The following FLT4 variants were observed in gnomAD, a reference collection of about 807,000 sequenced individuals.
FLT4 encodes the protein fms related receptor tyrosine kinase 4, also known as vascular endothelial growth factor receptor 3.
Under a neutral mutation model 163.2 loss-of-function variants are expected in FLT4, and 30 were observed. The observed-to-expected ratio is 0.18, with a 90% CI of 0.14 to 0.25. The LOEUF (loss-of-function observed/expected upper bound fraction) is 0.25. Among genes scored for constraint, FLT4 ranks in the 10% least tolerant of loss-of-function variants. The pLI, the probability that FLT4 is intolerant of heterozygous loss-of-function variation, is 1.00. For missense variants in FLT4, 1,510 were observed against 1,863.8 expected (o/e 0.81, Z 3.50); for synonymous variants, 884 against 789.5 (o/e 1.12, Z -2.01).
Position 180,624,040 on chromosome 5 carries a change from G to T in FLT4, c.1443C>A (p.Asp481Glu), listed in dbSNP as rs767595130. The change falls in exon 11 of 30, where the codon GAC (aspartate) becomes GAA (glutamate). Residue 481 changes from aspartate to glutamate, a missense_variant. By Grantham distance (45) the Asp-to-Glu change is conservative (BLOSUM62 2). Transcript: ENST00000261937. The stretch of plus-strand genomic sequence containing the variant: ...TCCAGTCACGGCACTGTGGCATGAG[G>T]TCTTGCTGCTGCCGCCGCCGGCTGC... ...QRSLRRRQQQDLMPQCRDWRA... is the reference protein window; with the variant it reads ...QRSLRRRQQQELMPQCRDWRA... The T allele has an allele frequency of 1.2e-6, 2 of 1,613,062 alleles. No individual in the cohort carries two copies. The highest frequency in any genetic ancestry group is 1.1e-5 in the South Asian group (1 of 91,090).
At chr5:180,631,317 C>G (rs914770860) in intron 2 of FLT4, among the ~76,000 whole-genome samples, 2 of 151,870 alleles carry the variant, frequency 1.3e-5, no homozygotes, top group Admixed American at 6.6e-5. Context: ...ACTACAAATA[C>G]AAAAAATTAG....
rs1331340709 is a variant in FLT4 at position 180,630,138 on chromosome 5, T to G, written c.514-33A>C. On this transcript the variant is annotated intron_variant, in intron 4 of 29. Transcript: ENST00000261937. This position sits in a 1 kb window ranked among gnomAD's most constrained non-coding sequence, Gnocchi z 6.3. ...GACAAGGCCACCATCATTGCCCAGCTGCCCCTTGCTCCTGGCCAGACAGGC... is the reference window on the plus strand; with the variant it reads ...GACAAGGCCACCATCATTGCCCAGCGGCCCCTTGCTCCTGGCCAGACAGGC... 7 of 1,372,544 alleles carry G rather than the reference T, an allele frequency of 5.1e-6. No homozygotes were observed. The highest frequency in any genetic ancestry group is 6.8e-6 in the Non-Finnish European group (7 of 1,029,288). The allele number at this position is 1,372,544 out of a possible 1,614,324, so 85.0% of individuals were successfully genotyped here.
rs376156787 is a variant in FLT4, at chr5:180,621,014, G to T, written c.2168-7C>A. 5 of 1,611,432 alleles carry T rather than the reference G, an allele frequency of 3.1e-6. 1 individual carries two copies. The highest frequency in any genetic ancestry group is 1.3e-5 in the African/African-American group (1 of 75,046). On this transcript the variant is annotated splice_polypyrimidine_tract_variant and splice_region_variant and intron_variant, in intron 14 of 29. Coordinates refer to ENST00000261937, the MANE Select transcript of FLT4 (RefSeq NM_182925.5). ...GAGTCCGCCAAGTCGACTCCTGCAG[G>T]GGGTGGGGTGGAGGTGCGGGTCCAC...
At chr5:180,642,509 G>T (rs1020363684) in intron 1 of FLT4, among the ~76,000 whole-genome samples, 1 of 152,072 alleles carries the variant, frequency 6.6e-6, no homozygotes, top group Admixed American at 6.5e-5. Flanking sequence ...GTGGAAGCAG[G>T]CCCAGGTCCC....
intron 21 of FLT4, among the ~76,000 whole-genome samples, chr5:180,617,891 T>A (rs452042): frequency 0.4 from 6,407 of 15,828 alleles, 11 homozygotes; most frequent in Middle Eastern, 0.5. Flanking sequence ...GAGCACCCTC[T>A]CCTGCCACTC....
chr5:180,626,483 C>A (rs868624859), intron 8 of FLT4, among the ~76,000 whole-genome samples: 1 of 152,174 alleles, frequency 6.6e-6, no homozygotes. Context: ...GCGGCCGGCT[C>A]GGGCATTGGT....
rs865957671 is a variant in FLT4, at chr5:180,649,190, C to T, written c.58+298G>A. Among the ~76,000 whole-genome samples the T allele has an allele frequency of 5.5e-3, 829 of 151,986 alleles. 5 individuals are homozygous for T. Among genetic ancestry groups the T allele is most frequent in the African/African-American group, 0.019 (797 of 41,522 alleles). On this transcript the variant is annotated intron_variant, in intron 1 of 29. Transcript: ENST00000261937. ...CAGCGCGCAGCCCGGCAGGGCCCGG[C>T]TCCGAGGACGCGGAGCCACCGACGG... is the stretch of plus-strand genomic sequence containing the variant.
chr5:180,636,333 T>G lies in FLT4; in HGVS notation c.59-4555A>C, dbSNP rs930872731. Among the ~76,000 whole-genome samples the G allele has an allele frequency of 6.6e-6, 1 of 152,154 alleles. No individual in the cohort carries two copies. Among genetic ancestry groups the G allele is most frequent in the Non-Finnish European group, 1.5e-5 (1 of 68,012 alleles). On this transcript the variant is annotated intron_variant, in intron 1 of 29. Transcript: ENST00000261937. This position sits in a 1 kb window ranked among gnomAD's most constrained non-coding sequence, Gnocchi z 4.3. The stretch of plus-strand genomic sequence containing the variant: ...TCCGAATGTCCCTTCCTGCCTTATG[T>G]GAAGCCTGGCTTTCTGGCCACGGCA...
chr5:180,646,810 G>T (rs549275278), intron 1 of FLT4, among the ~76,000 whole-genome samples: 4 of 152,204 alleles, frequency 2.6e-5, no homozygotes, highest in Non-Finnish European at 4.4e-5. Context: ...TTACAGTGAA[G>T]AATTCGCCAG....
intron 27 of FLT4, 57 bp from the exon 28 acceptor site, chr5:180,610,082 T>C (rs758619712): frequency 1.2e-6 from 2 of 1,610,652 alleles, no homozygotes; most frequent in Non-Finnish European, 1.7e-6. Context: ...CTCCTCGAAC[T>C]TCTCTCCACT....
chr5:180,634,671 G>A (rs1393701082), intron 1 of FLT4, among the ~76,000 whole-genome samples: 1 of 135,406 alleles, frequency 7.4e-6, no homozygotes, highest in Non-Finnish European at 1.6e-5. Context: ...CTCCAGCCTG[G>A]GCGACAGAGC....
chr5:180,616,933 C>T lies in FLT4; in HGVS notation c.3063G>A (p.Val1021=), dbSNP rs755012542. ...MEDLVCYSFQ[V]ARGMEFLASR... is the part of the protein sequence containing the mutation. ...AAGCCAGGAACTCCATCCCTCTGGC[C>T]ACCTGGAAGCTGTAGCAGACAAGAT... Residue 1021 remains valine, a synonymous_variant, in exon 22 of 30, where the codon GTG becomes GTA. Transcript: ENST00000261937. 1.9e-6 allele frequency: 3 copies of T among 1,613,424 alleles called. No individual in the cohort carries two copies. In the South Asian group the frequency reaches 3.3e-5, roughly 18 times the overall value.
In FLT4 at chr5:180,631,696, C is replaced by T. The variant is rs770634762; in HGVS notation, c.141G>A (p.Leu47=). 2 of 1,610,068 alleles carry T rather than the reference C, an allele frequency of 1.2e-6. No individual in the cohort carries two copies. Among genetic ancestry groups the T allele is most frequent in the Non-Finnish European group, 8.5e-7 (1 of 1,179,562 alleles). ...ESHVIDTGDS[L]SISCRGQHPL... ...GGACCCAGTACCTGCAGGAGATGGACAGGCTGTCACCGGTGTCGATGACGT... is the reference window on the plus strand; with the variant it reads ...GGACCCAGTACCTGCAGGAGATGGATAGGCTGTCACCGGTGTCGATGACGT... The change falls in exon 2 of 30, where the codon CTG becomes CTA. Residue 47 remains leucine, a synonymous_variant. Coordinates refer to ENST00000261937, the MANE Select transcript of FLT4 (RefSeq NM_182925.5).
At chr5:180,606,956 T>C (rs1216151537) in intron 29 of FLT4, among the ~76,000 whole-genome samples, 6 of 150,588 alleles carry the variant, frequency 4.0e-5, no homozygotes, top group African/African-American at 1.5e-4. Flanking sequence ...CACACGCCTA[T>C]AATCCCAGCT....
intron 13 of FLT4, 79 bp from the exon 14 acceptor site, chr5:180,621,331 GA>G (rs2127815553): frequency 6.6e-7 from 1 of 1,519,008 alleles, no homozygotes; most frequent in Middle Eastern, 1.8e-4. Context: ...AGCAGAGGTA[GA>G]AAAGGATCCC....
intron 1 of FLT4, among the ~76,000 whole-genome samples, chr5:180,632,109 C>A (rs371702968): frequency 6.6e-6 from 1 of 152,160 alleles, no homozygotes; most frequent in South Asian, 2.1e-4. Flanking sequence ...GGGAGGGGCG[C>A]TGGAGTGTGT....
chr5:180,616,622 G>A (rs1762712182), intron 22 of FLT4, 133 bp from the exon 23 acceptor site: 2 of 1,004,518 alleles, frequency 2.0e-6, no homozygotes, highest in East Asian at 2.5e-5. Flanking sequence ...CTTTGGGGAA[G>A]GATTCCCATC....
At chr5:180,624,119 T>C in intron 10 of FLT4, 58 bp from the exon 11 acceptor site, 3 of 1,596,942 alleles carry the variant, frequency 1.9e-6, no homozygotes, top group African/African-American at 1.3e-5. Context: ...AGGGCCCACA[T>C]GGGGGGCGGG....
At position 180,623,862 on chromosome 5, in the gene FLT4, A is replaced by G; in HGVS notation, c.1548+73T>C. 1.3e-6 allele frequency: 2 copies of G among 1,591,438 alleles called. No homozygotes were observed. Among genetic ancestry groups the G allele is most frequent in the Admixed American group, 3.3e-5 (2 of 59,960 alleles). ...GCACTCTGGAAGCCAGGTGGAAACC[A>G]CATGGCAGTAATGGCCTCTCTCTCC... On this transcript the variant is annotated intron_variant, in intron 11 of 29. Coordinates refer to ENST00000261937, the MANE Select transcript of FLT4 (RefSeq NM_182925.5). The surrounding 1 kb of genome is among the most constrained non-coding windows in gnomAD (Gnocchi z 5.8).
Sources: gnomAD v4.1 joint callset for allele counts (sites outside exome capture counted in the v4.1 genomes callset) on GRCh38, gnomAD v4.1.1 for gene constraint, Gnocchi (gnomAD v3.1) non-coding constraint, MANE v1.5 for transcripts, NCBI Gene and HGNC (gene_info 2026-07-23, HGNC 2026-07-21) for gene names.